The following JAK2 variants were observed in gnomAD, a reference collection of about 807,000 sequenced individuals.
JAK2 encodes Janus kinase 2, also known as tyrosine-protein kinase JAK2.
In JAK2, 86 loss-of-function variants were observed where a neutral mutation model predicts 139.3. That is an observed-to-expected ratio of 0.62 (90% CI 0.52 to 0.74). The LOEUF (loss-of-function observed/expected upper bound fraction) is 0.74. Ranked by LOEUF, JAK2 falls within the 30% of genes least tolerant of loss-of-function variation. The pLI is 0.00. For missense variants in JAK2, 1,421 were observed against 1,360.3 expected (o/e 1.04, Z -0.70); for synonymous variants, 490 against 437.7 (o/e 1.12, Z -1.49).
chr9:4,998,912 C>G (rs1199205785), intron 2 of JAK2, among the ~76,000 whole-genome samples: 1 of 152,058 alleles, frequency 6.6e-6, no homozygotes, highest in Non-Finnish European at 1.5e-5. Context: ...AGCTCCGCCT[C>G]CCGGGTTCAC....
In JAK2 at chr9:5,054,918, AT is replaced by A. The variant is rs778560337; in HGVS notation, c.936+38del. 2.8e-6 allele frequency: 4 copies of A among 1,420,628 alleles called. No individual in the cohort carries two copies. Among genetic ancestry groups the A allele is most frequent in the Non-Finnish European group, 3.8e-6 (4 of 1,039,856 alleles). 88.0% of individuals were successfully genotyped at this position (1,420,628 alleles called of 1,614,324 possible). A position where few individuals can be genotyped will look rare whatever the true frequency, so the allele number is the denominator to read the frequency against. On this transcript the variant is annotated intron_variant, in intron 7 of 24. Coordinates refer to ENST00000381652, the MANE Select transcript of JAK2 (RefSeq NM_004972.4). The surrounding 1 kb of genome is among the most constrained non-coding windows in gnomAD (Gnocchi z 4.9). ...TAATGATATGTTCTTGTTCTTTGTT[AT>A]TTTAAGTACAATGGAAATAAAAACA...
intron 8 of JAK2, among the ~76,000 whole-genome samples, chr9:5,060,393 T>A (rs1818082980): frequency 2.0e-5 from 3 of 152,220 alleles, no homozygotes; most frequent in Admixed American, 1.3e-4. Flanking sequence ...ACAGTAGAAT[T>A]TCTTTAGAAA....
chr9:5,072,400 T>G, intron 12 of JAK2, 92 bp from the exon 13 acceptor site: 1 of 931,290 alleles, frequency 1.1e-6, no homozygotes, highest in East Asian at 2.7e-5. Context: ...CTTATGGATT[T>G]AAAAAAATTC....
chr9:5,052,920 A>G (rs79675973), intron 6 of JAK2, among the ~76,000 whole-genome samples: 67 of 152,106 alleles, frequency 4.4e-4, no homozygotes, highest in African/African-American at 1.5e-3. Context: ...GGCTGCTTCC[A>G]TGTTTTGGCT....
In JAK2 at chr9:5,128,594, A is replaced by T. The variant is rs1824153623; in HGVS notation, c.*1803A>T. ...GCTTTTTAAAACAAGATGTGAACTA[A>T]CTTTTCTTAAACATTTTTTTAAATG... On this transcript the variant is annotated 3_prime_UTR_variant, in exon 25 of 25. Transcript: ENST00000381652. Among the ~76,000 whole-genome samples, 1 of 151,932 alleles carries T rather than the reference A, an allele frequency of 6.6e-6. No homozygotes were observed. The highest frequency in any genetic ancestry group is 2.4e-5 in the African/African-American group (1 of 41,446).
chr9:5,127,650 T>C lies in JAK2; in HGVS notation c.*859T>C, dbSNP rs985092265. 11 of 232,064 alleles carry C rather than the reference T, an allele frequency of 4.7e-5. No individual in the cohort carries two copies. The highest frequency in any genetic ancestry group is 9.4e-5 in the Non-Finnish European group (11 of 116,936). 14.4% of individuals were successfully genotyped at this position (232,064 alleles called of 1,614,324 possible). ...GAGATTAAGAATGCCAGGAATATTG[T>C]CATCCTTTGAGCTGCTGACTGCCAA... On this transcript the variant is annotated 3_prime_UTR_variant, in exon 25 of 25. Coordinates refer to ENST00000381652, the MANE Select transcript of JAK2 (RefSeq NM_004972.4).
intron 22 of JAK2, chr9:5,114,527 G>C (rs1010515196): frequency 2.1e-6 from 1 of 466,434 alleles, no homozygotes. Flanking sequence ...TAGAAGAGCC[G>C]AGGAACCAGG....
chr9:4,998,377 C>G (rs761109632), intron 2 of JAK2, among the ~76,000 whole-genome samples: 8 of 152,106 alleles, frequency 5.3e-5, no homozygotes, highest in Non-Finnish European at 8.8e-5. Flanking sequence ...CTACCTCAGC[C>G]TCCCGAGTAA....
chr9:5,051,963 A>C (rs1216688981), intron 6 of JAK2, among the ~76,000 whole-genome samples: 1 of 152,044 alleles, frequency 6.6e-6, no homozygotes, highest in African/African-American at 2.4e-5. Context: ...TCCAAAGCCC[A>C]AAGGAAAAAA....
At chr9:5,126,164 A>G in intron 23 of JAK2, 169 bp from the exon 24 acceptor site, 2 of 513,152 alleles carry the variant, frequency 3.9e-6, no homozygotes, top group Non-Finnish European at 6.9e-6. Context: ...GAAGTTCCAT[A>G]TTTAACAGCC....
chr9:5,087,486 G>T (rs1304128374), intron 19 of JAK2, among the ~76,000 whole-genome samples: 1 of 47,038 alleles, frequency 2.1e-5, no homozygotes, highest in Non-Finnish European at 3.5e-5. Context: ...TCCCTTACTT[G>T]ATTTCTTTCC....
At chr9:5,104,241 G>T (rs539092304) in intron 22 of JAK2, among the ~76,000 whole-genome samples, 1 of 152,128 alleles carries the variant, frequency 6.6e-6, no homozygotes, top group African/African-American at 2.4e-5. Context: ...TATCACCACC[G>T]ATCCCACAGA....
intron 2 of JAK2, among the ~76,000 whole-genome samples, chr9:4,987,958 C>T (rs10974900): frequency 0.5 from 75,916 of 151,888 alleles, 21,410 homozygotes; most frequent in African/African-American, 0.78. Context: ...CTCGTGTTTC[C>T]TCCTTTCTAG....
At chr9:5,111,796 C>T (rs981239101) in intron 22 of JAK2, 1 of 424,056 alleles carries the variant, frequency 2.4e-6, no homozygotes, top group Admixed American at 2.7e-5. Context: ...TCTCCTTGGC[C>T]CCCGGAGCCA....
chr9:5,068,164 A>G (rs1818695173), intron 10 of JAK2, among the ~76,000 whole-genome samples: 1 of 104,812 alleles, frequency 9.5e-6, no homozygotes, highest in Admixed American at 9.0e-5. Flanking sequence ...GTCTCAAAAA[A>G]AAACAACAAC....
chr9:5,043,152 T>C (rs7025540), intron 4 of JAK2, among the ~76,000 whole-genome samples: 53,454 of 151,864 alleles, frequency 0.35, 10,294 homozygotes, highest in African/African-American at 0.52. Flanking sequence ...TGCAGGGGGG[T>C]CTGCGGGCGG....
chr9:5,022,325 G>A, intron 3 of JAK2, 112 bp downstream of exon 3: 2 of 648,208 alleles, frequency 3.1e-6, no homozygotes, highest in Non-Finnish European at 2.5e-6. Flanking sequence ...ATGCTTGTAT[G>A]GCTGGCGTGT....
chr9:5,003,015 A>G (rs1055661459), intron 2 of JAK2, among the ~76,000 whole-genome samples: 3 of 151,964 alleles, frequency 2.0e-5, no homozygotes, highest in African/African-American at 7.2e-5. Context: ...CTGAAATGCA[A>G]TGGCACATCT....
intron 5 of JAK2, among the ~76,000 whole-genome samples, chr9:5,047,328 G>A (rs1053218402): frequency 2.0e-5 from 3 of 152,170 alleles, no homozygotes; most frequent in African/African-American, 7.2e-5. Flanking sequence ...AAGTTCTTAA[G>A]ACAGTACCTG....
Sources: allele counts gnomAD v4.1 joint callset (sites outside exome capture counted in the v4.1 genomes callset), GRCh38; gene constraint gnomAD v4.1.1; non-coding constraint Gnocchi (gnomAD v3.1); transcripts MANE v1.5; gene names NCBI Gene and HGNC (gene_info 2026-07-23, HGNC 2026-07-21).